Variants in ITGBL1 observed in about 807,000 individuals in gnomAD.
ITGBL1 encodes the protein integrin beta-like protein 1.
ITGBL1 carries 51 observed loss-of-function variants against 68.5 expected under a neutral mutation model. The ratio of observed to expected loss-of-function variants is 0.74; its 90% CI spans 0.59 to 0.94. ITGBL1 has a LOEUF of 0.94. Ranked by LOEUF, ITGBL1 falls within the 40% of genes least tolerant of loss-of-function variation. ITGBL1 has a pLI of 0.00. For synonymous variants in ITGBL1, 209 were observed against 227.3 expected (o/e 0.92, Z 0.72); for missense variants, 649 against 647.4 (o/e 1.00, Z -0.03).
intron 7 of ITGBL1, among the ~76,000 whole-genome samples, chr13:101,624,558 G>C (rs2031705104): frequency 6.6e-6 from 1 of 152,186 alleles, no homozygotes; most frequent in African/African-American, 2.4e-5. Context: ...AGAATAAAAT[G>C]AAAGGGAGAA....
chr13:101,666,736 G>A (rs2033228510), intron 7 of ITGBL1, among the ~76,000 whole-genome samples: 1 of 152,108 alleles, frequency 6.6e-6, no homozygotes, highest in Non-Finnish European at 1.5e-5. Context: ...ATGTGGGATG[G>A]CAAATTGAAA....
chr13:101,611,576 G>A (rs763039054), intron 7 of ITGBL1, among the ~76,000 whole-genome samples: 6 of 152,062 alleles, frequency 3.9e-5, no homozygotes, highest in Non-Finnish European at 8.8e-5. Flanking sequence ...AAAGGGTCAC[G>A]TTGCACAGTT....
At chr13:101,488,421 T>A (rs956145930) in intron 2 of ITGBL1, among the ~76,000 whole-genome samples, 1 of 152,188 alleles carries the variant, frequency 6.6e-6, no homozygotes, top group Non-Finnish European at 1.5e-5. Context: ...TGCTTAGCTT[T>A]CCCACGTTCA....
intron 2 of ITGBL1, among the ~76,000 whole-genome samples, chr13:101,493,073 G>A (rs915070201): frequency 1.3e-5 from 2 of 152,018 alleles, no homozygotes; most frequent in Non-Finnish European, 2.9e-5. Flanking sequence ...GGGTGGAAGG[G>A]GAGGTAGAAA....
chr13:101,649,791 A>G (rs138555984), intron 7 of ITGBL1, among the ~76,000 whole-genome samples: 121 of 152,300 alleles, frequency 7.9e-4, no homozygotes, highest in African/African-American at 2.7e-3. Flanking sequence ...CTAATTTTTC[A>G]GCTTAAAGTT....
chr13:101,491,195 A>G (rs1336860888), intron 2 of ITGBL1, among the ~76,000 whole-genome samples: 1 of 152,178 alleles, frequency 6.6e-6, no homozygotes, highest in East Asian at 1.9e-4. Context: ...TTATGAATAA[A>G]ATGCATCGGT....
intron 7 of ITGBL1, among the ~76,000 whole-genome samples, chr13:101,675,453 A>G (rs2033479297): frequency 6.6e-6 from 1 of 152,136 alleles, no homozygotes; most frequent in South Asian, 2.1e-4. Context: ...AGATTTAAGT[A>G]AGGTTGATTT....
intron 2 of ITGBL1, among the ~76,000 whole-genome samples, chr13:101,541,330 G>A (rs1566723150): frequency 1.3e-5 from 2 of 152,086 alleles, no homozygotes; most frequent in Non-Finnish European, 2.9e-5. Flanking sequence ...TTTGTGGTTG[G>A]TTCTGTTTAT....
In ITGBL1 at chr13:101,714,614, C is replaced by A. The variant is rs776451516; in HGVS notation, c.1393+63C>A. On this transcript the variant is annotated intron_variant, in intron 10 of 10. Coordinates refer to ENST00000376180, the MANE Select transcript of ITGBL1 (RefSeq NM_004791.3). ...GTTTGTTATAGAGCCAAGAGACACT[C>A]GTCATGCAATGCTTTAGGTGGCTGG... The A allele has an allele frequency of 8.2e-6, 8 of 980,408 alleles. No homozygotes were observed. The Admixed American group carries it at 1.2e-4, about 15-fold the overall frequency. The allele number at this position is 980,408 out of a possible 1,614,324, so 60.7% of individuals were successfully genotyped here.
rs149641023 is a variant in ITGBL1, at chr13:101,615,731, G to C, written c.1015+17432G>C. Among the ~76,000 whole-genome samples the C allele has an allele frequency of 6.6e-3, 1,001 of 152,192 alleles. 5 individuals are homozygous for C. The highest frequency in any genetic ancestry group is 9.0e-3 in the Non-Finnish European group (614 of 67,996). On this transcript the variant is annotated intron_variant, in intron 7 of 10. Transcript: ENST00000376180. ...TTGAGCCCAAGAGTTTGAAGCTGCAGTGAGCCATGATGGCACCACTGCAAT... is the reference window on the plus strand; with the variant it reads ...TTGAGCCCAAGAGTTTGAAGCTGCACTGAGCCATGATGGCACCACTGCAAT...
intron 8 of ITGBL1, among the ~76,000 whole-genome samples, chr13:101,702,191 G>C (rs868011714): frequency 6.6e-5 from 10 of 152,092 alleles, no homozygotes; most frequent in Middle Eastern, 6.8e-3. Context: ...ATGTCCATAA[G>C]GTAAGATATA....
chr13:101,469,943 G>A (rs531573297), intron 2 of ITGBL1, among the ~76,000 whole-genome samples: 23 of 152,288 alleles, frequency 1.5e-4, no homozygotes, highest in African/African-American at 5.1e-4. Context: ...TGCTGCCTGT[G>A]TGATCTTGCA....
chr13:101,509,261 A>G (rs757108873), intron 2 of ITGBL1, among the ~76,000 whole-genome samples: 77 of 152,128 alleles, frequency 5.1e-4, no homozygotes, highest in Non-Finnish European at 7.2e-4. Context: ...CACGATCATC[A>G]GAATAGCACA....
rs756639799 is a variant in ITGBL1 at position 101,453,908 on chromosome 13, C to A, written c.124C>A (p.Leu42Met). ...LRSWPGAACR[L>M]SRAESERRCR... is the part of the protein sequence containing the mutation. ...GAGCTGGCCGGGCGCCGCCTGCAGGCTGTCCCGGGCCGAGTCGGAGCGACG... is the reference window on the plus strand; with the variant it reads ...GAGCTGGCCGGGCGCCGCCTGCAGGATGTCCCGGGCCGAGTCGGAGCGACG... Residue 42 changes from leucine (L) to methionine (M), a missense_variant, in exon 2 of 11, where the codon CTG becomes ATG. Coordinates refer to ENST00000376180, the MANE Select transcript of ITGBL1 (RefSeq NM_004791.3). 7.9e-7 allele frequency: 1 copy of A among 1,265,382 alleles called. No homozygotes were observed. The highest frequency in any genetic ancestry group is 3.5e-5 in the South Asian group (1 of 28,686). 78.4% of individuals were successfully genotyped at this position (1,265,382 alleles called of 1,614,324 possible).
chr13:101,510,878 A>G (rs1269291829), intron 2 of ITGBL1, among the ~76,000 whole-genome samples: 4 of 152,040 alleles, frequency 2.6e-5, no homozygotes, highest in East Asian at 3.9e-4. Context: ...TAAGTTTCCT[A>G]TAGATTCTCG....
intron 2 of ITGBL1, among the ~76,000 whole-genome samples, chr13:101,496,759 T>G (rs1419887201): frequency 6.6e-6 from 1 of 152,246 alleles, no homozygotes; most frequent in Non-Finnish European, 1.5e-5. Context: ...CCTGCAGAGC[T>G]GAATTCTTCC....
chr13:101,539,704 C>G (rs997593872), intron 2 of ITGBL1, among the ~76,000 whole-genome samples: 6 of 151,614 alleles, frequency 4.0e-5, no homozygotes, highest in Admixed American at 3.3e-4. Context: ...CACATCCTCT[C>G]CAGCACCTGT....
intron 2 of ITGBL1, among the ~76,000 whole-genome samples, chr13:101,480,878 A>G (rs540935184): frequency 1.6e-4 from 25 of 152,010 alleles, no homozygotes; most frequent in African/African-American, 5.8e-4. Context: ...GCAAAATTTT[A>G]AGGTAGGATA....
At chr13:101,458,720 A>G (rs1028897818) in intron 2 of ITGBL1, among the ~76,000 whole-genome samples, 1 of 152,230 alleles carries the variant, frequency 6.6e-6, no homozygotes, top group African/African-American at 2.4e-5. Flanking sequence ...TTGATTACAT[A>G]TAATACCTCA....
Sources: allele counts gnomAD v4.1 joint callset (sites outside exome capture counted in the v4.1 genomes callset), GRCh38; gene constraint gnomAD v4.1.1; transcripts MANE v1.5; gene names NCBI Gene and HGNC (gene_info 2026-07-23, HGNC 2026-07-21).